Variants in DIAPH2 observed in about 807,000 individuals in gnomAD.
DIAPH2 encodes diaphanous related formin 2.
DIAPH2 carries 35 observed loss-of-function variants against 92.7 expected under a neutral mutation model. The ratio of observed to expected loss-of-function variants is 0.38; its 90% CI spans 0.29 to 0.50. DIAPH2 has a LOEUF of 0.50. DIAPH2 is among the 20% of genes least tolerant of loss of function. DIAPH2 has a pLI of 0.94. For missense variants in DIAPH2, 701 were observed against 819.5 expected (o/e 0.86, Z 1.77); for synonymous variants, 301 against 280.4 (o/e 1.07, Z -0.73).
At chrX:97,470,702 AAAAAAC>A (rs769531950) in intron 26 of DIAPH2, among the ~76,000 whole-genome samples, 7 of 110,299 alleles carry the variant, frequency 6.3e-5, no homozygotes, top group African/African-American at 2.3e-4. Context: ...AGAAAAAAAA[AAAAAAC>A]AACCACGCAA....
chrX:97,448,487 G>GTTTA (rs1241143296), intron 26 of DIAPH2, among the ~76,000 whole-genome samples: 1 of 111,736 alleles, frequency 8.9e-6, no homozygotes, highest in Non-Finnish European at 1.9e-5. Flanking sequence ...CCACTTAAGC[G>GTTTA]TTAATAGAGA....
chrX:96,861,424 A>C (rs1192393725), intron 4 of DIAPH2, among the ~76,000 whole-genome samples: 1 of 111,333 alleles, frequency 9.0e-6, no homozygotes, highest in South Asian at 3.8e-4. Context: ...TCTACTTCCA[A>C]TCTGTGACCA....
intron 22 of DIAPH2, among the ~76,000 whole-genome samples, chrX:97,242,641 C>G (rs1314167420): frequency 3.6e-5 from 4 of 111,173 alleles, no homozygotes; most frequent in African/African-American, 1.3e-4. Flanking sequence ...GCTGGGATTA[C>G]AGGCATGAGC....
At chrX:97,225,538 G>T (rs772158639) in intron 22 of DIAPH2, among the ~76,000 whole-genome samples, 1 of 111,511 alleles carries the variant, frequency 9.0e-6, no homozygotes, top group East Asian at 2.8e-4. Flanking sequence ...TTGACCTTGC[G>T]TGATTTTCTA....
chrX:96,773,106 C>T (rs1471715569), intron 4 of DIAPH2, among the ~76,000 whole-genome samples: 1 of 111,141 alleles, frequency 9.0e-6, no homozygotes, highest in Non-Finnish European at 1.9e-5. Context: ...AATAGGTTGC[C>T]TCTGTGTTAG....
At chrX:97,475,963 T>A (rs367888648) in intron 26 of DIAPH2, among the ~76,000 whole-genome samples, 55 of 111,958 alleles carry the variant, frequency 4.9e-4, no homozygotes, top group African/African-American at 1.7e-3. Flanking sequence ...AGGAAAACAT[T>A]AGAAATCTAC....
Position 97,586,559 on chromosome X carries a change from G to T in DIAPH2, c.3242-12694G>T, listed in dbSNP as rs569656685. On this transcript the variant is annotated intron_variant, in intron 26 of 26. Transcript: ENST00000324765. Reference sequence around the variant, plus strand: ...ATCTGTGTTCTAACCATCATCCCCTGCTTTTAATCAATACTGATTTTGTTT... The same window carrying T: ...ATCTGTGTTCTAACCATCATCCCCTTCTTTTAATCAATACTGATTTTGTTT... Among the ~76,000 whole-genome samples, 5 of 111,592 alleles carry T rather than the reference G, an allele frequency of 4.5e-5. No individual in the cohort carries two copies. In the South Asian group the frequency reaches 1.9e-3, roughly 43 times the overall value.
intron 22 of DIAPH2, among the ~76,000 whole-genome samples, chrX:97,230,923 G>A (rs1211543664): frequency 8.9e-6 from 1 of 112,238 alleles, no homozygotes; most frequent in African/African-American, 3.2e-5. Context: ...TATGAAAACT[G>A]AGACTCAAAG....
intron 22 of DIAPH2, among the ~76,000 whole-genome samples, chrX:97,184,900 A>G (rs1196743894): frequency 9.1e-6 from 1 of 110,421 alleles, no homozygotes; most frequent in East Asian, 2.8e-4. Context: ...ATGCAGCGGC[A>G]CGTTGTATAA....
chrX:97,361,999 G>T (rs759914020), intron 24 of DIAPH2, among the ~76,000 whole-genome samples: 1 of 111,975 alleles, frequency 8.9e-6, no homozygotes, highest in Non-Finnish European at 1.9e-5. Flanking sequence ...CCAGCACTTT[G>T]GGAGGCCAAG....
At chrX:97,294,652 C>T (rs949172803) in intron 23 of DIAPH2, among the ~76,000 whole-genome samples, 8 of 111,769 alleles carry the variant, frequency 7.2e-5, no homozygotes, top group African/African-American at 2.6e-4. Context: ...ATATATCATA[C>T]TCTATTGAAC....
At chrX:96,776,311 A>G (rs1326969677) in intron 4 of DIAPH2, among the ~76,000 whole-genome samples, 1 of 110,426 alleles carries the variant, frequency 9.1e-6, no homozygotes, top group African/African-American at 3.3e-5. Context: ...CCTGGGTTCA[A>G]GTGATTCTCT....
chrX:97,363,846 T>TAA (rs2069353006), intron 24 of DIAPH2, among the ~76,000 whole-genome samples: 1 of 110,438 alleles, frequency 9.1e-6, no homozygotes, highest in African/African-American at 3.3e-5. Flanking sequence ...TGTAGTGAAG[T>TAA]AAAAGCATAT....
chrX:97,348,190 G>A lies in DIAPH2; in HGVS notation c.2919G>A (p.Glu973=). The change falls in exon 24 of 27, where the codon GAG becomes GAA. Residue 973 remains glutamate (E), a synonymous_variant. Coordinates refer to ENST00000324765, the MANE Select transcript of DIAPH2 (RefSeq NM_006729.5). ...TMHNNMMKLY[E]NLGEYFIFDS... is the part of the protein sequence containing the mutation. The stretch of plus-strand genomic sequence containing the variant: ...ACAACAACATGATGAAGCTCTATGA[G>A]AATCTTGGAGAATACTTCATTTTTG... The A allele has an allele frequency of 8.3e-7, 1 of 1,209,511 alleles. No individual in the cohort carries two copies. The highest frequency in any genetic ancestry group is 1.1e-6 in the Non-Finnish European group (1 of 893,910).
intron 19 of DIAPH2, among the ~76,000 whole-genome samples, chrX:97,088,164 A>G: frequency 8.9e-6 from 1 of 112,073 alleles, no homozygotes; most frequent in Admixed American, 9.5e-5. Context: ...AGAGTTTCTC[A>G]GAGTCTTGAT....
At chrX:96,898,340 C>A (rs1483471819) in intron 5 of DIAPH2, among the ~76,000 whole-genome samples, 2 of 103,638 alleles carry the variant, frequency 1.9e-5, no homozygotes, top group Non-Finnish European at 2.0e-5. Context: ...ACAGTCCCAC[C>A]AACAGTGTAA....
intron 4 of DIAPH2, among the ~76,000 whole-genome samples, chrX:96,794,012 C>T (rs1292119518): frequency 9.0e-6 from 1 of 111,620 alleles, no homozygotes; most frequent in Non-Finnish European, 1.9e-5. Flanking sequence ...TTAGCTTATA[C>T]ACAACAGAAA....
chrX:97,185,190 C>T (rs1271301587), intron 22 of DIAPH2, among the ~76,000 whole-genome samples: 2 of 93,875 alleles, frequency 2.1e-5, no homozygotes, highest in Non-Finnish European at 4.2e-5. Context: ...ATCCCAGCTA[C>T]TCATGAGGCT....
intron 26 of DIAPH2, among the ~76,000 whole-genome samples, chrX:97,554,262 T>C (rs2071242214): frequency 8.9e-6 from 1 of 111,777 alleles, no homozygotes; most frequent in Non-Finnish European, 1.9e-5. Context: ...TTCTAACCTA[T>C]GGGGGAATTT....
Sources: gnomAD v4.1 joint callset for allele counts (sites outside exome capture counted in the v4.1 genomes callset) on GRCh38, gnomAD v4.1.1 for gene constraint, MANE v1.5 for transcripts, NCBI Gene and HGNC (gene_info 2026-07-23, HGNC 2026-07-21) for gene names.